Variants in ZNF777 observed in about 807,000 individuals in gnomAD.
ZNF777 encodes the protein zinc finger protein 777.
A neutral mutation model predicts 72.1 loss-of-function variants in ZNF777; 7 were observed. That is an observed-to-expected ratio of 0.10 (90% CI 0.06 to 0.18). ZNF777 has a LOEUF of 0.18. ZNF777 is among the 10% of genes least tolerant of loss of function. The probability of loss-of-function intolerance (pLI) is 1.00; values close to 1 mark genes in which losing one functional copy is unlikely to be tolerated. For missense variants in ZNF777, 828 were observed against 1,128.6 expected (o/e 0.73, Z 3.82); for synonymous variants, 545 against 483.5 (o/e 1.13, Z -1.67).
Position 149,436,614 on chromosome 7 carries a change from C to T in ZNF777, c.1300G>A (p.Glu434Lys), listed in dbSNP as rs749320785. Residue 434 changes from glutamate to lysine, a missense_variant, in exon 5 of 6, where the codon GAA becomes AAA. Coordinates refer to ENST00000247930, the MANE Select transcript of ZNF777 (RefSeq NM_015694.3). This position sits in a 1 kb window ranked among gnomAD's most constrained non-coding sequence, Gnocchi z 5.0. The part of the protein sequence containing the change: ...ESTEGSSEFS[E>K]LKQMLVQQRN... ...TGCTGCACCAGCATCTGCTTCAGTT[C>T]GCTGAACTCGCTGGAGCCTTCCGTG... 15 of 1,611,804 alleles carry T rather than the reference C, an allele frequency of 9.3e-6. No individual in the cohort carries two copies. Among genetic ancestry groups the T allele is most frequent in the South Asian group, 5.5e-5 (5 of 91,032 alleles).
intron 4 of ZNF777, among the ~76,000 whole-genome samples, chr7:149,442,722 A>G (rs10250222): frequency 0.41 from 62,110 of 152,038 alleles, 12,789 homozygotes; most frequent in Non-Finnish European, 0.44. Flanking sequence ...TTACAAATCA[A>G]TAATAAAAAG....
At chr7:149,443,843 T>A (rs960715631) in intron 4 of ZNF777, among the ~76,000 whole-genome samples, 10 of 152,198 alleles carry the variant, frequency 6.6e-5, no homozygotes, top group Non-Finnish European at 1.2e-4. Context: ...TCCACCTGCC[T>A]CGGCCTCCCA....
chr7:149,448,585 A>ATATATATATAACTATATATATATAAC (rs1563237840), intron 4 of ZNF777, among the ~76,000 whole-genome samples: 1 of 24,328 alleles, frequency 4.1e-5, no homozygotes, highest in African/African-American at 4.0e-4. Flanking sequence ...ATAACTATAT[A>ATATATATATAACTATATATATATAAC]TATATATATA....
Position 149,436,004 on chromosome 7 carries a change from C to T in ZNF777, c.1339+571G>A, listed in dbSNP as rs961883729. Among the ~76,000 whole-genome samples, 1 of 152,222 alleles carries T rather than the reference C, an allele frequency of 6.6e-6. No homozygotes were observed. The highest frequency in any genetic ancestry group is 1.9e-4 in the East Asian group (1 of 5,202). On this transcript the variant is annotated intron_variant, in intron 5 of 5. Coordinates refer to ENST00000247930, the MANE Select transcript of ZNF777 (RefSeq NM_015694.3). This position sits in a 1 kb window ranked among gnomAD's most constrained non-coding sequence, Gnocchi z 5.0. ...GATGGCTCAGCATCAGAAAATCCAT[C>T]ACGAAAGATGTCCTGGGATCAGGCC...
In ZNF777 at chr7:149,432,668, T is replaced by A; in HGVS notation, c.1604A>T (p.Gln535Leu). 6.2e-7 allele frequency: 1 copy of A among 1,613,352 alleles called. No homozygotes were observed. Among genetic ancestry groups the A allele is most frequent in the East Asian group, 2.2e-5 (1 of 44,858 alleles). Residue 535 changes from glutamine (Q) to leucine (L), a missense_variant, in exon 6 of 6, where the codon CAG becomes CTG. Gln to Leu is a moderately radical substitution (Grantham distance 113, BLOSUM62 -2). This residue lies in a region of ZNF777 where 219 missense variants were observed against 223.0 expected (regional missense o/e 0.98). Transcript: ENST00000247930. ...CTCGCCGCGCCGGTTCCGCTGCTGC[T>A]GGCTCGAGGCCCCGCGGTTCTCGCT... The part of the protein sequence containing the change: ...HLSENRGASS[Q>L]QQRNRRGERP...
At chr7:149,451,203 G>C in intron 3 of ZNF777, 91 bp from the exon 4 acceptor site, 1 of 1,148,266 alleles carries the variant, frequency 8.7e-7, no homozygotes, top group East Asian at 2.4e-5. Flanking sequence ...GATTCCAGGA[G>C]CAGCTCCTCG....
intron 4 of ZNF777, among the ~76,000 whole-genome samples, chr7:149,440,607 C>T (rs936036742): frequency 1.3e-5 from 2 of 151,516 alleles, no homozygotes; most frequent in Non-Finnish European, 2.9e-5. Context: ...ATCTTCCCAT[C>T]TCGGCCTCCC....
At chr7:149,443,262 T>C (rs1421717156) in intron 4 of ZNF777, among the ~76,000 whole-genome samples, 2 of 152,210 alleles carry the variant, frequency 1.3e-5, no homozygotes, top group Admixed American at 6.5e-5. Context: ...TGATATAGTA[T>C]TGAAAAAAGA....
intron 4 of ZNF777, among the ~76,000 whole-genome samples, chr7:149,437,083 A>T (rs1472409511): frequency 6.6e-6 from 1 of 152,138 alleles, no homozygotes; most frequent in Non-Finnish European, 1.5e-5. Flanking sequence ...ATTAAAAAAA[A>T]ATATTCAGCA....
chr7:149,448,197 G>A (rs1799638617), intron 4 of ZNF777, among the ~76,000 whole-genome samples: 1 of 151,950 alleles, frequency 6.6e-6, no homozygotes, highest in Non-Finnish European at 1.5e-5. Context: ...CAGGTGCAGT[G>A]GTTCATGCCT....
chr7:149,436,851 G>T lies in ZNF777; in HGVS notation c.1088-25C>A. 6.3e-7 allele frequency: 1 copy of T among 1,594,432 alleles called. No individual in the cohort carries two copies. Among genetic ancestry groups the T allele is most frequent in the Non-Finnish European group, 8.6e-7 (1 of 1,164,608 alleles). On this transcript the variant is annotated intron_variant, in intron 4 of 5. Coordinates refer to ENST00000247930, the MANE Select transcript of ZNF777 (RefSeq NM_015694.3). The surrounding 1 kb of genome is among the most constrained non-coding windows in gnomAD (Gnocchi z 5.0). ...GCTGAGAGAGGGTGGGCAGGGGTGA[G>T]GAGGAGAAAAGAACCCAGAATGTTC...
intron 4 of ZNF777, among the ~76,000 whole-genome samples, chr7:149,446,311 G>A (rs899888100): frequency 2.0e-5 from 3 of 152,070 alleles, no homozygotes; most frequent in Admixed American, 6.5e-5. Flanking sequence ...TGGAGGCGGA[G>A]GTTGCAGTGA....
In ZNF777 at chr7:149,460,340, C is replaced by A. The variant is rs1226589672; in HGVS notation, c.-16+475G>T. On this transcript the variant is annotated intron_variant, in intron 1 of 5. Transcript: ENST00000247930. This position sits in a 1 kb window ranked among gnomAD's most constrained non-coding sequence, Gnocchi z 6.1. ...GCTCGGGGCGCGCGGGGCGAGCGGG[C>A]GCGGGGTCGCGGAGCCCGAGCGGCG... is the stretch of plus-strand genomic sequence containing the variant. 1.4e-5 allele frequency among the ~76,000 whole-genome samples: 2 copies of A among 145,810 alleles called. No homozygotes were observed. The highest frequency in any genetic ancestry group is 2.1e-4 in the South Asian group (1 of 4,782).
rs141354316 is a variant in ZNF777 at position 149,441,829 on chromosome 7, ATATTT to A, written c.1088-5008_1088-5004del. On this transcript the variant is annotated intron_variant, in intron 4 of 5. Transcript: ENST00000247930. ...TTCTTTTTGTTTTCTAGGGCAAAAAATATTTTATTTTGTGTTTCAAATATTTTTAT... is the reference window on the plus strand; with the variant it reads ...TTCTTTTTGTTTTCTAGGGCAAAAAATATTTTGTGTTTCAAATATTTTTAT... Among the ~76,000 whole-genome samples, 100 of 152,292 alleles carry A rather than the reference ATATTT, an allele frequency of 6.6e-4. No individual in the cohort carries two copies. In the East Asian group the frequency reaches 0.011, roughly 17 times the overall value.
Position 149,437,799 on chromosome 7 carries a change from C to CTTTTTTTTTTTTTTTTTTTTTTTTTTT in ZNF777, c.1088-974_1088-973insAAAAAAAAAAAAAAAAAAAAAAAAAAA. ...CACATACACATTTATATGTTTGTTT[C>CTTTTTTTTTTTTTTTTTTTTTTTTTTT]TTTTTCTTTTTTTTTTTTTTTTGTC... On this transcript the variant is annotated intron_variant, in intron 4 of 5. Transcript: ENST00000247930. Among the ~76,000 whole-genome samples, 2 of 115,654 alleles carry CTTTTTTTTTTTTTTTTTTTTTTTTTTT rather than the reference C, an allele frequency of 1.7e-5. 1 individual carries two copies. The highest frequency in any genetic ancestry group is 3.5e-5 in the Non-Finnish European group (2 of 57,772). The allele number at this position is 115,654 out of a possible 152,430, so 75.9% of individuals were successfully genotyped here. A position where few individuals can be genotyped will look rare whatever the true frequency, so the allele number is the denominator to read the frequency against.
At chr7:149,446,375 C>CA (rs1055733246) in intron 4 of ZNF777, among the ~76,000 whole-genome samples, 125 of 145,278 alleles carry the variant, frequency 8.6e-4, no homozygotes, top group Middle Eastern at 3.5e-3. Flanking sequence ...AACTCCATCT[C>CA]AAAAAAAAAA....
At chr7:149,456,822 G>A (rs1208287378) in intron 1 of ZNF777, among the ~76,000 whole-genome samples, 1 of 152,206 alleles carries the variant, frequency 6.6e-6, no homozygotes, top group Non-Finnish European at 1.5e-5. Flanking sequence ...GTTTGACTTG[G>A]AAACATCTTC....
chr7:149,448,560 T>TATAC lies in ZNF777; in HGVS notation c.1087+2438_1087+2439insGTAT, dbSNP rs1174435050. Among the ~76,000 whole-genome samples, 116 of 105,958 alleles carry TATAC rather than the reference T, an allele frequency of 1.1e-3. 1 individual carries two copies. The highest frequency in any genetic ancestry group is 4.5e-3 in the African/African-American group (111 of 24,674). 69.5% of individuals were successfully genotyped at this position (105,958 alleles called of 152,430 possible). A position where few individuals can be genotyped will look rare whatever the true frequency, so the allele number is the denominator to read the frequency against. On this transcript the variant is annotated intron_variant, in intron 4 of 5. Coordinates refer to ENST00000247930, the MANE Select transcript of ZNF777 (RefSeq NM_015694.3). ...TTATATATATAGTTATACATATAGT[T>TATAC]ATATAGTTATACATATAACTATATA...
rs1290970440 is a variant in ZNF777 at position 149,460,338 on chromosome 7, G to A, written c.-16+477C>T. Among the ~76,000 whole-genome samples the A allele has an allele frequency of 6.8e-6, 1 of 146,000 alleles. No homozygotes were observed. The highest frequency in any genetic ancestry group is 6.8e-5 in the Admixed American group (1 of 14,724). ...CTGCTCGGGGCGCGCGGGGCGAGCG[G>A]GCGCGGGGTCGCGGAGCCCGAGCGG... On this transcript the variant is annotated intron_variant, in intron 1 of 5. Coordinates refer to ENST00000247930, the MANE Select transcript of ZNF777 (RefSeq NM_015694.3). The surrounding 1 kb of genome is among the most constrained non-coding windows in gnomAD (Gnocchi z 6.1).
Sources: gnomAD v4.1 joint callset for allele counts (sites outside exome capture counted in the v4.1 genomes callset) on GRCh38, gnomAD v4.1.1 for gene constraint, gnomAD v4.1.1 regional missense constraint, Gnocchi (gnomAD v3.1) non-coding constraint, MANE v1.5 for transcripts, NCBI Gene and HGNC (gene_info 2026-07-23, HGNC 2026-07-21) for gene names.